The following SLC28A1 variants were observed in gnomAD, a reference collection of about 807,000 sequenced individuals.
The protein encoded by SLC28A1 is solute carrier family 28 member 1.
Under a neutral mutation model 74.8 loss-of-function variants are expected in SLC28A1, and 64 were observed. The ratio of observed to expected loss-of-function variants is 0.86; its 90% confidence interval spans 0.70 to 1.05. The LOEUF (loss-of-function observed/expected upper bound fraction) is 1.05, where lower values mean the gene tolerates loss of function less well. Ranked by LOEUF, SLC28A1 falls within the 50% of genes least tolerant of loss-of-function variation. The pLI is 0.00. For missense variants in SLC28A1, 828 were observed against 822.8 expected (o/e 1.01, Z -0.08); for synonymous variants, 359 against 335.0 (o/e 1.07, Z -0.78).
chr15:84,888,405 C>G (rs563723591), intron 3 of SLC28A1, among the ~76,000 whole-genome samples: 3 of 143,412 alleles, frequency 2.1e-5, no homozygotes, highest in African/African-American at 7.5e-5. Flanking sequence ...ACCCACCCCC[C>G]ACCCAAAACA....
At chr15:84,904,030 G>A (rs1966852272) in intron 6 of SLC28A1, 67 bp from the exon 7 acceptor site, 2 of 1,607,428 alleles carry the variant, frequency 1.2e-6, no homozygotes, top group Non-Finnish European at 1.7e-6. Flanking sequence ...GTCCCCGGGT[G>A]CTATTGTGTG....
At chr15:84,888,222 T>A (rs921488238) in intron 3 of SLC28A1, among the ~76,000 whole-genome samples, 2 of 152,044 alleles carry the variant, frequency 1.3e-5, no homozygotes, top group African/African-American at 4.8e-5. Context: ...ATCTCAGCCT[T>A]CAAGGAGCCT....
At chr15:84,920,814 A>G (rs1440396613) in intron 10 of SLC28A1, among the ~76,000 whole-genome samples, 175 bp from the exon 11 acceptor site, 2 of 152,110 alleles carry the variant, frequency 1.3e-5, no homozygotes, top group African/African-American at 2.4e-5. Flanking sequence ...GTAAGCCCCC[A>G]TCAATGAAGG....
intron 12 of SLC28A1, among the ~76,000 whole-genome samples, chr15:84,927,969 C>T (rs533381804): frequency 2.6e-5 from 4 of 152,298 alleles, no homozygotes; most frequent in African/African-American, 7.2e-5. Context: ...TAACCTTGTT[C>T]TGGTCCCCTT....
the SLC28A1 span, among the ~76,000 whole-genome samples, chr15:84,966,349 G>T: frequency 6.6e-6 from 1 of 152,108 alleles, no homozygotes; most frequent in Non-Finnish European, 1.5e-5. Flanking sequence ...TTACAGGTGT[G>T]AGCCACTGTG....
At chr15:84,934,932 G>T in intron 13 of SLC28A1, 94 bp from the exon 14 acceptor site, 1 of 1,049,366 alleles carries the variant, frequency 9.5e-7, no homozygotes, top group Non-Finnish European at 1.5e-6. Context: ...GCTCTGAAAT[G>T]CTCTTCCAGG....
chr15:84,960,221 C>T, the SLC28A1 span, among the ~76,000 whole-genome samples: 1 of 138,662 alleles, frequency 7.2e-6, no homozygotes, highest in Non-Finnish European at 1.5e-5. Flanking sequence ...TCCCCTGTGC[C>T]TGCCTGCTTT....
chr15:84,892,808 G>A (rs1965508141), intron 5 of SLC28A1, among the ~76,000 whole-genome samples: 2 of 152,250 alleles, frequency 1.3e-5, no homozygotes, highest in Middle Eastern at 3.4e-3. Context: ...CAGCGACAGC[G>A]CTGGCACCAT....
chr15:84,927,316 C>T (rs1025222996), intron 12 of SLC28A1, among the ~76,000 whole-genome samples: 10 of 152,260 alleles, frequency 6.6e-5, no homozygotes, highest in South Asian at 2.1e-4. Context: ...TGCATACACA[C>T]GGGGGCCTTC....
At chr15:84,905,110 G>A (rs1188933267) in intron 7 of SLC28A1, among the ~76,000 whole-genome samples, 2 of 152,224 alleles carry the variant, frequency 1.3e-5, no homozygotes, top group African/African-American at 4.8e-5. Flanking sequence ...CGGGGTCGAG[G>A]CGGCTGGGAG....
the SLC28A1 span, among the ~76,000 whole-genome samples, chr15:84,964,810 A>G: frequency 6.6e-6 from 1 of 152,160 alleles, no homozygotes; most frequent in African/African-American, 2.4e-5. Context: ...GCCCCAGCAG[A>G]TATTTCTTTC....
intron 11 of SLC28A1, 146 bp from the exon 12 acceptor site, chr15:84,923,839 A>C: frequency 1.0e-6 from 1 of 990,502 alleles, no homozygotes; most frequent in East Asian, 2.6e-5. Context: ...AGGTTCAGAG[A>C]AGCTCAGCCA....
At chr15:84,890,199 G>T (rs980727954) in intron 4 of SLC28A1, among the ~76,000 whole-genome samples, 4 of 152,230 alleles carry the variant, frequency 2.6e-5, no homozygotes, top group Non-Finnish European at 5.9e-5. Context: ...CTGAGCCCTG[G>T]AGGCAGGGAC....
chr15:84,891,996 G>A (rs1229415632), intron 5 of SLC28A1, among the ~76,000 whole-genome samples: 2 of 152,068 alleles, frequency 1.3e-5, no homozygotes, highest in Non-Finnish European at 2.9e-5. Flanking sequence ...ACCGGGAGGG[G>A]TGGGTCTTTG....
intron 12 of SLC28A1, among the ~76,000 whole-genome samples, chr15:84,931,803 A>C (rs568405850): frequency 3.5e-4 from 53 of 151,918 alleles, no homozygotes; most frequent in African/African-American, 1.2e-3. Flanking sequence ...GGAGTTCGAG[A>C]CTAGCCTGGC....
intron 2 of SLC28A1, 92 bp downstream of exon 2, chr15:84,886,879 G>A (rs1052225631): frequency 2.3e-5 from 14 of 598,514 alleles, no homozygotes; most frequent in African/African-American, 1.6e-4. Flanking sequence ...GTGTGTGCAC[G>A]CACATGCACG....
intron 9 of SLC28A1, among the ~76,000 whole-genome samples, chr15:84,910,848 G>A (rs1968096894): frequency 6.6e-6 from 1 of 152,352 alleles, no homozygotes; most frequent in East Asian, 1.9e-4. Flanking sequence ...TATAAGGAGA[G>A]ATTCTTCTAA....
chr15:84,912,976 A>T (rs1213594131), intron 9 of SLC28A1, among the ~76,000 whole-genome samples: 3 of 152,104 alleles, frequency 2.0e-5, no homozygotes, highest in Non-Finnish European at 4.4e-5. Flanking sequence ...GGCTGAAAGA[A>T]GGGAGATGGG....
chr15:84,928,593 TCTTTCTTTC>T lies in SLC28A1; in HGVS notation c.1083+4484_1083+4492del, dbSNP rs1567172533. On this transcript the variant is annotated intron_variant, in intron 12 of 18. Coordinates refer to ENST00000394573, the MANE Select transcript of SLC28A1 (RefSeq NM_004213.5). ...TTCTTTCTTTCTTTCTTTCTTTCTTTCTTTCTTTCTTTTCTTTCTTTCTTTTCTTTCTTT... is the reference window on the plus strand; with the variant it reads ...TTCTTTCTTTCTTTCTTTCTTTCTTTTTTTCTTTCTTTCTTTTCTTTCTTT... Among the ~76,000 whole-genome samples the T allele has an allele frequency of 6.0e-3, 137 of 22,700 alleles. 31 individuals are homozygous for T. The highest frequency in any genetic ancestry group is 0.047 in the African/African-American group (128 of 2,748). 14.9% of individuals were successfully genotyped at this position (22,700 alleles called of 152,430 possible).
Sources: allele counts gnomAD v4.1 joint callset (sites outside exome capture counted in the v4.1 genomes callset), GRCh38; gene constraint gnomAD v4.1.1; transcripts MANE v1.5; gene names NCBI Gene and HGNC (gene_info 2026-07-23, HGNC 2026-07-21).